PTPRT: variants seen among roughly 807,000 people sequenced by gnomAD.
PTPRT encodes the protein receptor-type tyrosine-protein phosphatase T.
A neutral mutation model predicts 176.8 loss-of-function variants in PTPRT; 56 were observed. The ratio of observed to expected loss-of-function variants is 0.32; its 90% CI spans 0.26 to 0.40. The LOEUF (loss-of-function observed/expected upper bound fraction) is 0.40, where lower values mean the gene tolerates loss of function less well. Ranked by LOEUF, PTPRT falls within the 10% of genes least tolerant of loss-of-function variation. PTPRT has a pLI of 1.00. For missense variants in PTPRT, 1,540 were observed against 1,908.2 expected (o/e 0.81, Z 3.60); for synonymous variants, 783 against 739.0 (o/e 1.06, Z -0.96).
chr20:42,443,483 A>G (rs943437482), intron 9 of PTPRT, among the ~76,000 whole-genome samples: 4 of 152,222 alleles, frequency 2.6e-5, no homozygotes, highest in East Asian at 1.9e-4. Flanking sequence ...TGCATTCTGC[A>G]TCTCCCACTA....
chr20:42,791,372 G>A lies in PTPRT; in HGVS notation c.309C>T (p.Ile103=), dbSNP rs985854451. The A allele has an allele frequency of 2.5e-6, 4 of 1,614,208 alleles. No homozygotes were observed. The highest frequency in any genetic ancestry group is 1.7e-5 in the Admixed American group (1 of 60,030). ...PTLKENDTHC[I]DFHYYFSSRD... is the part of the protein sequence containing the mutation. ...GGCTGGAGAAGTAGTAATGGAAGTC[G>A]ATGCAGTGGGTGTCATTCTCCTTCA... Residue 103 remains isoleucine, a synonymous_variant, in exon 3 of 31, where the codon ATC becomes ATT. Coordinates refer to ENST00000373187, the MANE Select transcript of PTPRT (RefSeq NM_007050.6).
At chr20:42,897,547 C>T (rs771933798) in intron 1 of PTPRT, among the ~76,000 whole-genome samples, 3 of 152,166 alleles carry the variant, frequency 2.0e-5, no homozygotes, top group Non-Finnish European at 4.4e-5. Context: ...AAATCTGATG[C>T]CTTCATGCCC....
chr20:42,867,020 C>G (rs79972306), intron 2 of PTPRT, among the ~76,000 whole-genome samples: 1,865 of 152,290 alleles, frequency 0.012, 36 homozygotes, highest in African/African-American at 0.042. Flanking sequence ...TGTCATCCTA[C>G]CATGTAAGGA....
chr20:42,345,495 T>C (rs977537736), intron 11 of PTPRT, among the ~76,000 whole-genome samples: 1 of 148,748 alleles, frequency 6.7e-6, no homozygotes, highest in Non-Finnish European at 1.5e-5. Flanking sequence ...GATATACACA[T>C]ATATATAAAA....
At chr20:42,492,402 C>T (rs1200352217) in intron 7 of PTPRT, among the ~76,000 whole-genome samples, 2 of 152,096 alleles carry the variant, frequency 1.3e-5, no homozygotes, top group Non-Finnish European at 2.9e-5. Context: ...TGTAGTGATT[C>T]CTCACTGTGG....
chr20:43,037,035 A>C (rs1986410039), intron 1 of PTPRT, among the ~76,000 whole-genome samples: 1 of 152,234 alleles, frequency 6.6e-6, no homozygotes, highest in Non-Finnish European at 1.5e-5. Context: ...GGAAAAACAT[A>C]AACATACAAC....
chr20:42,753,205 T>C (rs1192684857), intron 6 of PTPRT, among the ~76,000 whole-genome samples: 1 of 152,098 alleles, frequency 6.6e-6, no homozygotes, highest in African/African-American at 2.4e-5. Context: ...CCAAACAGCA[T>C]GAGCCAGATG....
In PTPRT at chr20:42,591,975, CTT is replaced by C. The variant is rs71335866; in HGVS notation, c.1153+85889_1153+85890del. Among the ~76,000 whole-genome samples the C allele has an allele frequency of 3.9e-3, 403 of 102,330 alleles. 1 individual carries two copies. The highest frequency in any genetic ancestry group is 0.016 in the African/African-American group (386 of 24,162). 67.1% of individuals were successfully genotyped at this position (102,330 alleles called of 152,430 possible). On this transcript the variant is annotated intron_variant, in intron 7 of 30. Transcript: ENST00000373187. ...GGTCATGGTCAGTTTGCTGGAGATT[CTT>C]TTTTTTTTTTTTTTTTTTTTGACAT...
chr20:42,534,539 G>A (rs2072441694), intron 7 of PTPRT, among the ~76,000 whole-genome samples: 1 of 152,178 alleles, frequency 6.6e-6, no homozygotes, highest in Non-Finnish European at 1.5e-5. Flanking sequence ...AGGAGGCTGA[G>A]GCAGGAGAAT....
chr20:43,136,923 C>T (rs2013851284), intron 1 of PTPRT, among the ~76,000 whole-genome samples: 1 of 152,168 alleles, frequency 6.6e-6, no homozygotes, highest in African/African-American at 2.4e-5. Flanking sequence ...TCCCCAGGGT[C>T]CCCAGCAGCC....
chr20:43,078,933 A>T (rs1163184626), intron 1 of PTPRT, among the ~76,000 whole-genome samples: 1 of 152,108 alleles, frequency 6.6e-6, no homozygotes, highest in East Asian at 1.9e-4. Context: ...AGCACCAGAC[A>T]CACATAAATA....
chr20:42,076,828 C>G lies in PTPRT; in HGVS notation c.*4051G>C, dbSNP rs1982821344. 5.0e-6 allele frequency: 1 copy of G among 201,858 alleles called. No individual in the cohort carries two copies. Among genetic ancestry groups the G allele is most frequent in the Admixed American group, 6.0e-5 (1 of 16,614 alleles). 12.5% of individuals were successfully genotyped at this position (201,858 alleles called of 1,614,324 possible). On this transcript the variant is annotated 3_prime_UTR_variant, in exon 31 of 31. Coordinates refer to ENST00000373187, the MANE Select transcript of PTPRT (RefSeq NM_007050.6). ...TTTTGCATGAATTGTGAACGTAAAA[C>G]ATGAGACTATGAAGGAATTTTAAGC...
In PTPRT at chr20:43,074,054, C is replaced by T. The variant is rs550912902; in HGVS notation, c.88+115592G>A. ...CAACTGTGAGCCACCATGCCTGGCCCACCTGTGCTTTATATACAAACATAT... is the reference window on the plus strand; with the variant it reads ...CAACTGTGAGCCACCATGCCTGGCCTACCTGTGCTTTATATACAAACATAT... On this transcript the variant is annotated intron_variant, in intron 1 of 30. Coordinates refer to ENST00000373187, the MANE Select transcript of PTPRT (RefSeq NM_007050.6). Among the ~76,000 whole-genome samples the T allele has an allele frequency of 2.1e-4, 32 of 152,180 alleles. No individual in the cohort carries two copies. In the South Asian group the frequency reaches 6.5e-3, roughly 31 times the overall value.
chr20:43,018,681 A>G (rs1157266284), intron 1 of PTPRT, among the ~76,000 whole-genome samples: 1 of 152,250 alleles, frequency 6.6e-6, no homozygotes, highest in Non-Finnish European at 1.5e-5. Flanking sequence ...AACAGAAAAT[A>G]TGAACAAAAG....
chr20:42,148,260 A>ATTTTTTTT (rs34255255), intron 17 of PTPRT, among the ~76,000 whole-genome samples: 5 of 114,058 alleles, frequency 4.4e-5, no homozygotes, highest in Non-Finnish European at 7.2e-5. Context: ...CAAGGCAGTC[A>ATTTTTTTT]TTTTTTTTTT....
rs148777231 is a variant in PTPRT at position 43,110,593 on chromosome 20, G to A, written c.88+79053C>T. On this transcript the variant is annotated intron_variant, in intron 1 of 30. Coordinates refer to ENST00000373187, the MANE Select transcript of PTPRT (RefSeq NM_007050.6). ...CATCAGGGCACTGTGTACATGACTG[G>A]TTTCAGTTTGTTGACAGTCTGTCAA... Among the ~76,000 whole-genome samples, 488 of 152,276 alleles carry A rather than the reference G, an allele frequency of 3.2e-3. 2 individuals carry two copies. Among genetic ancestry groups the A allele is most frequent in the African/African-American group, 0.01 (425 of 41,560 alleles).
At chr20:42,442,847 T>G (rs1262654959) in intron 9 of PTPRT, among the ~76,000 whole-genome samples, 1 of 152,188 alleles carries the variant, frequency 6.6e-6, no homozygotes, top group Non-Finnish European at 1.5e-5. Context: ...TTGGTTGGAT[T>G]GCTTCCCTTG....
intron 15 of PTPRT, 98 bp from the exon 16 acceptor site, chr20:42,199,486 C>T (rs1350966583): frequency 3.1e-5 from 42 of 1,342,818 alleles, no homozygotes; most frequent in Non-Finnish European, 4.2e-5. Flanking sequence ...CATCCTCAAC[C>T]CCCAAATCTG....
intron 15 of PTPRT, among the ~76,000 whole-genome samples, chr20:42,234,285 C>T (rs575620309): frequency 3.7e-4 from 56 of 152,276 alleles, no homozygotes; most frequent in Middle Eastern, 3.4e-3. Flanking sequence ...GAGTCAGGCA[C>T]CATTACCCTC....
Sources: gnomAD v4.1 joint callset for allele counts (sites outside exome capture counted in the v4.1 genomes callset) on GRCh38, gnomAD v4.1.1 for gene constraint, MANE v1.5 for transcripts, NCBI Gene and HGNC (gene_info 2026-07-23, HGNC 2026-07-21) for gene names.